NSMCE2: variants seen among roughly 807,000 people sequenced by gnomAD.
The protein encoded by NSMCE2 is E3 SUMO-protein ligase NSE2.
In NSMCE2, 24 loss-of-function variants were observed where a neutral mutation model predicts 23.8. The observed-to-expected ratio is 1.01, with a 90% CI of 0.73 to 1.42. The LOEUF (loss-of-function observed/expected upper bound fraction) is 1.42, where lower values mean the gene tolerates loss of function less well. Among genes scored for constraint, NSMCE2 ranks in the 40% most tolerant of loss-of-function variants. The probability of loss-of-function intolerance (pLI) is 0.00; values close to 1 mark genes in which losing one functional copy is unlikely to be tolerated. For missense variants in NSMCE2, 284 were observed against 296.5 expected, an observed-to-expected ratio of 0.96 and a Z score of 0.31; for synonymous variants, 92 against 94.1, an observed-to-expected ratio of 0.98 and a Z score of 0.13.
chr8:125,094,416 A>C (rs1409170441), intron 1 of NSMCE2: 1 of 152,166 alleles, frequency 6.6e-6, no homozygotes, highest in Non-Finnish European at 1.5e-5. Flanking sequence ...TGCACCATCC[A>C]TTGCCTTTGC....
At chr8:125,153,771 A>T (rs1410244722) in intron 4 of NSMCE2, among the ~76,000 whole-genome samples, 1 of 152,238 alleles carries the variant, frequency 6.6e-6, no homozygotes, top group Non-Finnish European at 1.5e-5. Context: ...GTATATCAAA[A>T]TGCTTTGGCA....
intron 5 of NSMCE2, among the ~76,000 whole-genome samples, chr8:125,349,701 G>A (rs1465754902): frequency 6.6e-6 from 1 of 152,174 alleles, no homozygotes; most frequent in African/African-American, 2.4e-5. Context: ...AGCCAAATTT[G>A]GGATGCCTGA....
intron 5 of NSMCE2, among the ~76,000 whole-genome samples, chr8:125,301,271 C>G (rs1334906865): frequency 6.6e-6 from 1 of 152,124 alleles, no homozygotes. Context: ...GGTTGAAAAA[C>G]CAGCAAAAGT....
At chr8:125,229,237 G>A (rs79682945) in intron 5 of NSMCE2, among the ~76,000 whole-genome samples, 3,325 of 152,232 alleles carry the variant, frequency 0.022, 129 homozygotes, top group African/African-American at 0.075. Flanking sequence ...AAAGAGAGAT[G>A]CAAGAGACTG....
chr8:125,179,624 T>TA (rs1319323403), intron 4 of NSMCE2, among the ~76,000 whole-genome samples: 1 of 152,260 alleles, frequency 6.6e-6, no homozygotes, highest in Non-Finnish European at 1.5e-5. Context: ...AGAAGACATT[T>TA]ACAGCAGTGA....
At chr8:125,169,000 C>G (rs1272797218) in intron 4 of NSMCE2, among the ~76,000 whole-genome samples, 7 of 152,164 alleles carry the variant, frequency 4.6e-5, no homozygotes, top group Admixed American at 4.6e-4. Flanking sequence ...AGTTATGTGA[C>G]TCACCCAGGG....
chr8:125,093,000 T>G (rs1194143268), intron 1 of NSMCE2, among the ~76,000 whole-genome samples: 1 of 152,168 alleles, frequency 6.6e-6, no homozygotes, highest in African/African-American at 2.4e-5. Context: ...CTGCTAAATG[T>G]CCCCTTGCGA....
chr8:125,301,793 G>T (rs1185256908), intron 5 of NSMCE2, among the ~76,000 whole-genome samples: 1 of 151,820 alleles, frequency 6.6e-6, no homozygotes, highest in Non-Finnish European at 1.5e-5. Context: ...CTCCCGAGTA[G>T]CTGGGATTAT....
chr8:125,248,481 C>T (rs1314542447), intron 5 of NSMCE2, among the ~76,000 whole-genome samples: 1 of 152,086 alleles, frequency 6.6e-6, no homozygotes, highest in African/African-American at 2.4e-5. Context: ...AGTAAAACCC[C>T]ATCTCTACTA....
chr8:125,324,151 T>A (rs1829553991), intron 5 of NSMCE2, among the ~76,000 whole-genome samples: 1 of 152,168 alleles, frequency 6.6e-6, no homozygotes, highest in South Asian at 2.1e-4. Flanking sequence ...ATTAGGATAG[T>A]TAAAGTTTTT....
chr8:125,231,792 C>T (rs1324013627), intron 5 of NSMCE2, among the ~76,000 whole-genome samples: 5 of 152,114 alleles, frequency 3.3e-5, no homozygotes, highest in African/African-American at 9.7e-5. Context: ...TGGATGACAT[C>T]ATCAGGTAGT....
chr8:125,267,415 A>G (rs1394788173), intron 5 of NSMCE2, among the ~76,000 whole-genome samples: 1 of 152,222 alleles, frequency 6.6e-6, no homozygotes, highest in Non-Finnish European at 1.5e-5. Flanking sequence ...GTAAGGCTAG[A>G]CAGTGAGGAC....
chr8:125,100,633 C>T (rs923951251), intron 1 of NSMCE2, among the ~76,000 whole-genome samples: 2 of 152,158 alleles, frequency 1.3e-5, no homozygotes, highest in African/African-American at 4.8e-5. Context: ...ATGATCTTGG[C>T]TCACTGCAAC....
At chr8:125,298,764 T>C (rs1196265053) in intron 5 of NSMCE2, among the ~76,000 whole-genome samples, 1 of 151,738 alleles carries the variant, frequency 6.6e-6, no homozygotes, top group Non-Finnish European at 1.5e-5. Flanking sequence ...TACTATGTGG[T>C]TTGTTGTCAC....
chr8:125,191,410 A>G (rs932027576), intron 5 of NSMCE2, among the ~76,000 whole-genome samples: 36 of 150,290 alleles, frequency 2.4e-4, no homozygotes, highest in South Asian at 1.1e-3. Context: ...CATTTCTTGG[A>G]AAAAAAAAAT....
rs557851898 is a variant in NSMCE2 at position 125,122,793 on chromosome 8, G to A, written c.157+20306G>A. 6.6e-5 allele frequency among the ~76,000 whole-genome samples: 10 copies of A among 152,104 alleles called. No homozygotes were observed. In the East Asian group the frequency reaches 1.9e-3, roughly 29 times the overall value. ...TTTCAACCTTATACTTTAGCATAAGGTATTCTCACCACTAGATACAGGGGT... is the reference window on the plus strand; with the variant it reads ...TTTCAACCTTATACTTTAGCATAAGATATTCTCACCACTAGATACAGGGGT... On this transcript the variant is annotated intron_variant, in intron 3 of 7. Transcript: ENST00000287437.
chr8:125,334,491 C>T (rs1034813157), intron 5 of NSMCE2, among the ~76,000 whole-genome samples: 9 of 152,044 alleles, frequency 5.9e-5, no homozygotes, highest in Non-Finnish European at 1.2e-4. Context: ...CTTAGAGGAC[C>T]GAAGTGCTGC....
chr8:125,238,941 A>C (rs1825661430), intron 5 of NSMCE2, among the ~76,000 whole-genome samples: 1 of 152,194 alleles, frequency 6.6e-6, no homozygotes, highest in African/African-American at 2.4e-5. Flanking sequence ...CTGTTCTTGT[A>C]TATTGATGTT....
intron 5 of NSMCE2, among the ~76,000 whole-genome samples, chr8:125,262,695 G>GT (rs200401815): frequency 0.045 from 6,827 of 151,464 alleles, 255 homozygotes; most frequent in South Asian, 0.19. Flanking sequence ...TGGAAGTCTA[G>GT]TTTTTTTTTC....
Sources: allele counts gnomAD v4.1 joint callset (sites outside exome capture counted in the v4.1 genomes callset), GRCh38; gene constraint gnomAD v4.1.1; transcripts MANE v1.5; gene names NCBI Gene and HGNC (gene_info 2026-07-23, HGNC 2026-07-21).